MAST4: variants seen among roughly 807,000 people sequenced by gnomAD.
The protein encoded by MAST4 is microtubule-associated serine/threonine-protein kinase 4.
Under a neutral mutation model 162.7 loss-of-function variants are expected in MAST4, and 89 were observed. The observed-to-expected ratio is 0.55, with a 90% confidence interval of 0.46 to 0.65. MAST4 has a LOEUF of 0.65. Ranked by LOEUF, MAST4 falls within the 30% of genes least tolerant of loss-of-function variation. The pLI, the probability that MAST4 is intolerant of heterozygous loss-of-function variation, is 0.00. For synonymous variants in MAST4, 1,479 were observed against 1,361.1 expected, an observed-to-expected ratio of 1.09 and a Z score of -1.91; for missense variants, 3,153 against 3,374.0, an observed-to-expected ratio of 0.93 and a Z score of 1.62.
intron 4 of MAST4, chr5:66,917,070 A>T: frequency 1.4e-6 from 1 of 717,252 alleles, no homozygotes; most frequent in South Asian, 1.5e-5. Flanking sequence ...AAGAATAGAA[A>T]ATCACCTTCA....
chr5:66,996,417 T>C (rs1750665760), intron 4 of MAST4, among the ~76,000 whole-genome samples: 1 of 152,172 alleles, frequency 6.6e-6, no homozygotes, highest in Non-Finnish European at 1.5e-5. Flanking sequence ...GCATTTCCCA[T>C]TTATTACATA....
At chr5:66,839,198 G>T (rs1452445159) in intron 3 of MAST4, among the ~76,000 whole-genome samples, 4 of 152,166 alleles carry the variant, frequency 2.6e-5, no homozygotes, top group African/African-American at 9.7e-5. Flanking sequence ...AGAAACAAGA[G>T]CAAGAGATAA....
chr5:67,108,677 C>T (rs565566433), intron 10 of MAST4, among the ~76,000 whole-genome samples: 1 of 152,020 alleles, frequency 6.6e-6, no homozygotes, highest in Non-Finnish European at 1.5e-5. Context: ...AACTGTTTTA[C>T]TTTTGCCTGT....
chr5:66,808,097 C>T (rs1254691041), intron 3 of MAST4, among the ~76,000 whole-genome samples: 1 of 152,194 alleles, frequency 6.6e-6, no homozygotes, highest in East Asian at 1.9e-4. Context: ...GCACTCTTTT[C>T]CCAGCTTCCG....
rs546990030 is a variant in MAST4, at chr5:66,817,996, G to A, written c.642+29202G>A. 1.6e-3 allele frequency among the ~76,000 whole-genome samples: 251 copies of A among 152,228 alleles called. 2 individuals are homozygous for A. The highest frequency in any genetic ancestry group is 6.0e-3 in the African/African-American group (248 of 41,546). ...CTTAAACGTCTACTGTCATTTTTTGGAAGAGTGCTGTAAATGGATTTTGGT... is the reference window on the plus strand; with the variant it reads ...CTTAAACGTCTACTGTCATTTTTTGAAAGAGTGCTGTAAATGGATTTTGGT... On this transcript the variant is annotated intron_variant, in intron 3 of 28. Coordinates refer to ENST00000403625, the MANE Select transcript of MAST4 (RefSeq NM_001164664.2).
Position 66,809,092 on chromosome 5 carries a change from A to G in MAST4, c.642+20298A>G, listed in dbSNP as rs954616521. ...ACTGTGGCTGCCTGTCAGCAGGTAT[A>G]CATCTCCTGCATTCTACATTTTTCT... On this transcript the variant is annotated intron_variant, in intron 3 of 28. Transcript: ENST00000403625. Among the ~76,000 whole-genome samples the G allele has an allele frequency of 1.1e-4, 16 of 152,322 alleles. 1 individual carries two copies. Among genetic ancestry groups the G allele is most frequent in the Admixed American group, 9.8e-4 (15 of 15,298 alleles).
At chr5:66,706,091 T>A (rs1750106843) in intron 1 of MAST4, among the ~76,000 whole-genome samples, 1 of 152,206 alleles carries the variant, frequency 6.6e-6, no homozygotes, top group Admixed American at 6.5e-5. Context: ...GTTTTAGTAC[T>A]GTGAAGATTC....
intron 3 of MAST4, among the ~76,000 whole-genome samples, chr5:66,811,253 G>A (rs565377858): frequency 1.3e-5 from 2 of 152,280 alleles, no homozygotes; most frequent in South Asian, 4.1e-4. Flanking sequence ...AGGAATAAAC[G>A]GCTTATGGCC....
intron 4 of MAST4, among the ~76,000 whole-genome samples, chr5:66,948,941 C>G (rs1744350866): frequency 6.6e-6 from 1 of 151,890 alleles, no homozygotes; most frequent in African/African-American, 2.4e-5. Flanking sequence ...ATTCACACCC[C>G]CCCAACAATT....
At position 67,131,966 on chromosome 5, in the gene MAST4, G is replaced by A; in HGVS notation, c.2093+15G>A. 6.2e-7 allele frequency: 1 copy of A among 1,606,866 alleles called. No individual in the cohort carries two copies. The highest frequency in any genetic ancestry group is 8.5e-7 in the Non-Finnish European group (1 of 1,175,972). ...AAACCAGACAAGTATGTACACAAATGAAATATATGTCTTCTTTTGCCCAAT... is the reference window on the plus strand; with the variant it reads ...AAACCAGACAAGTATGTACACAAATAAAATATATGTCTTCTTTTGCCCAAT... On this transcript the variant is annotated intron_variant, in intron 16 of 28. Transcript: ENST00000403625.
At chr5:66,638,116 T>A (rs566624990) in intron 1 of MAST4, among the ~76,000 whole-genome samples, 1 of 152,372 alleles carries the variant, frequency 6.6e-6, no homozygotes, top group Non-Finnish European at 1.5e-5. Flanking sequence ...TAATCACCGT[T>A]AGGAACCTTC....
At chr5:66,907,587 CGTGTGTGT>C (rs59273615) in intron 4 of MAST4, among the ~76,000 whole-genome samples, 31,826 of 144,098 alleles carry the variant, frequency 0.22, 3,443 homozygotes, top group Middle Eastern at 0.3. Flanking sequence ...TAGGTTGATG[CGTGTGTGT>C]GTGTGTGTGT....
At chr5:66,739,315 G>A (rs146853400) in intron 1 of MAST4, among the ~76,000 whole-genome samples, 1 of 152,256 alleles carries the variant, frequency 6.6e-6, no homozygotes, top group Non-Finnish European at 1.5e-5. Flanking sequence ...CTTCGGTTGT[G>A]GGGGCAGCAG....
At chr5:67,062,234 C>T (rs928571729) in intron 5 of MAST4, among the ~76,000 whole-genome samples, 5 of 152,100 alleles carry the variant, frequency 3.3e-5, no homozygotes, top group African/African-American at 1.2e-4. Flanking sequence ...ACCATCTTTA[C>T]TAAAAATACA....
intron 3 of MAST4, among the ~76,000 whole-genome samples, chr5:66,796,368 A>G (rs1039454231): frequency 2.9e-4 from 44 of 152,204 alleles, no homozygotes; most frequent in African/African-American, 1.0e-3. Context: ...CAGCGCAGTC[A>G]CTTAAAATGT....
intron 3 of MAST4, among the ~76,000 whole-genome samples, chr5:66,897,110 G>T (rs941133653): frequency 1.8e-4 from 28 of 151,930 alleles, no homozygotes; most frequent in African/African-American, 6.5e-4. Context: ...CTTTAATCCA[G>T]TGTCAACAAT....
chr5:66,631,257 G>A (rs934537725), intron 1 of MAST4, among the ~76,000 whole-genome samples: 2 of 152,132 alleles, frequency 1.3e-5, no homozygotes, highest in African/African-American at 4.8e-5. Context: ...CTTTTTGTTT[G>A]TTGTCTTCTG....
At chr5:66,927,863 G>T (rs1765020455) in intron 4 of MAST4, among the ~76,000 whole-genome samples, 2 of 152,166 alleles carry the variant, frequency 1.3e-5, no homozygotes, top group Admixed American at 1.3e-4. Flanking sequence ...TCCTACTGAG[G>T]ACTATGAGGG....
intron 4 of MAST4, among the ~76,000 whole-genome samples, chr5:66,907,192 AG>A (rs1763419554): frequency 6.9e-6 from 1 of 145,728 alleles, no homozygotes; most frequent in Non-Finnish European, 1.5e-5. Context: ...AGAGAGAGAG[AG>A]AGAGAGAGAG....
Sources: gnomAD v4.1 joint callset for allele counts (sites outside exome capture counted in the v4.1 genomes callset) on GRCh38, gnomAD v4.1.1 for gene constraint, MANE v1.5 for transcripts, NCBI Gene and HGNC (gene_info 2026-07-23, HGNC 2026-07-21) for gene names.